Variants in ITIH2 observed in about 807,000 individuals in gnomAD.
ITIH2 encodes the protein inter-alpha-trypsin inhibitor heavy chain H2.
In ITIH2, 103 loss-of-function variants were observed where a neutral mutation model predicts 104.4. The ratio of observed to expected loss-of-function variants is 0.99; its 90% CI spans 0.84 to 1.16. The LOEUF is 1.16. ITIH2 is among the 50% of genes most tolerant of loss of function. The pLI, the probability that ITIH2 is intolerant of heterozygous loss-of-function variation, is 0.00. For synonymous variants in ITIH2, 436 were observed against 435.4 expected (o/e 1.00, Z -0.02); for missense variants, 1,108 against 1,162.4 (o/e 0.95, Z 0.68).
chr10:7,712,880 G>A (rs1241978798), intron 4 of ITIH2, among the ~76,000 whole-genome samples: 1 of 152,148 alleles, frequency 6.6e-6, no homozygotes, highest in African/African-American at 2.4e-5. Flanking sequence ...CAGCACTTTG[G>A]GAGGCCAAGC....
chr10:7,717,767 A>G lies in ITIH2; in HGVS notation c.609A>G (p.Gly203=). ...AGCACAGGATCTATCTGCAACCTGG[A>G]CGGCTGGCCAAACACTTAGAGGTAA... ...SYEHRIYLQP[G]RLAKHLEVDV... Residue 203 remains glycine, a synonymous_variant, in exon 6 of 21, where the codon GGA becomes GGG. Transcript: ENST00000358415. 6.2e-7 allele frequency: 1 copy of G among 1,611,060 alleles called. No individual in the cohort carries two copies. Among genetic ancestry groups the G allele is most frequent in the Non-Finnish European group, 8.5e-7 (1 of 1,178,820 alleles).
intron 10 of ITIH2, 30 bp downstream of exon 10, chr10:7,727,148 A>G (rs1834958689): frequency 1.3e-6 from 2 of 1,575,782 alleles, no homozygotes; most frequent in Non-Finnish European, 1.7e-6. Flanking sequence ...TCCCAAGGAG[A>G]CACTTCCTCT....
chr10:7,726,936 C>T lies in ITIH2; in HGVS notation c.985-14C>T. ...TTCTGTAATGGGACCTGTCTTTATT[C>T]TCTATTGAAATAGACTGTGGAAGCA... is the stretch of plus-strand genomic sequence containing the variant. On this transcript the variant is annotated splice_polypyrimidine_tract_variant and intron_variant, in intron 9 of 20. Coordinates refer to ENST00000358415, the MANE Select transcript of ITIH2 (RefSeq NM_002216.3). The T allele has an allele frequency of 6.3e-7, 1 of 1,579,380 alleles. No individual in the cohort carries two copies. The highest frequency in any genetic ancestry group is 8.6e-7 in the Non-Finnish European group (1 of 1,160,538).
chr10:7,723,391 A>G (rs1323208011), intron 8 of ITIH2, 60 bp from the exon 9 acceptor site: 5 of 1,098,932 alleles, frequency 4.5e-6, no homozygotes, highest in Non-Finnish European at 7.0e-6. Flanking sequence ...CCAGGTCCCC[A>G]TCTTCCTACC....
intron 4 of ITIH2, among the ~76,000 whole-genome samples, chr10:7,710,588 C>G (rs907046095): frequency 1.3e-5 from 2 of 152,066 alleles, no homozygotes; most frequent in Admixed American, 6.6e-5. Context: ...CTTTCATACA[C>G]CAAGGTAATC....
chr10:7,734,859 GC>G, intron 14 of ITIH2, 62 bp from the exon 15 acceptor site: 3 of 1,438,600 alleles, frequency 2.1e-6, no homozygotes, highest in Non-Finnish European at 2.9e-6. Context: ...GGGTCAGGGA[GC>G]TGACTTGCGC....
chr10:7,719,760 C>CAAAAAAAAAAAAA (rs71385664), intron 6 of ITIH2, among the ~76,000 whole-genome samples: 7 of 41,698 alleles, frequency 1.7e-4, no homozygotes, highest in East Asian at 7.7e-4. Context: ...GACCCTGTCT[C>CAAAAAAAAAAAAA]AAAAAAAAAA....
intron 5 of ITIH2, among the ~76,000 whole-genome samples, chr10:7,714,652 G>C (rs1302270662): frequency 6.6e-6 from 1 of 152,160 alleles, no homozygotes. Context: ...CAACACAAAA[G>C]CGGACACCGT....
chr10:7,721,012 GT>G, intron 7 of ITIH2, 49 bp downstream of exon 7: 1 of 1,139,182 alleles, frequency 8.8e-7, no homozygotes, highest in Non-Finnish European at 1.3e-6. Flanking sequence ...CCTCTGGATT[GT>G]GGGTTCTGTT....
chr10:7,739,495 A>G (rs1835104861), intron 16 of ITIH2, among the ~76,000 whole-genome samples: 1 of 152,144 alleles, frequency 6.6e-6, no homozygotes, highest in African/African-American at 2.4e-5. Flanking sequence ...AGACCTTTCC[A>G]TCAGGAAAGC....
intron 7 of ITIH2, 31 bp from the exon 8 acceptor site, chr10:7,721,618 G>A: frequency 6.2e-7 from 1 of 1,605,516 alleles, no homozygotes. Flanking sequence ...GGGGCTAGAG[G>A]CAGAGGCTCT....
chr10:7,744,720 G>T, intron 18 of ITIH2, 71 bp from the exon 19 acceptor site: 1 of 1,282,832 alleles, frequency 7.8e-7, no homozygotes, highest in East Asian at 2.4e-5. Context: ...TTCATATTAG[G>T]GGTGAGAAGA....
At chr10:7,735,224 A>G (rs1033729452) in intron 15 of ITIH2, 133 bp downstream of exon 15, 3 of 704,322 alleles carry the variant, frequency 4.3e-6, no homozygotes, top group East Asian at 2.8e-5. Context: ...CCTGTGCCCA[A>G]GCTCTTCCTG....
chr10:7,746,555 G>T, intron 19 of ITIH2, 38 bp from the exon 20 acceptor site: 1 of 1,351,346 alleles, frequency 7.4e-7, no homozygotes, highest in South Asian at 1.2e-5. Context: ...ATTTAACTAT[G>T]ATTACATGTC....
In ITIH2 at chr10:7,735,103, A is replaced by G. The variant is rs1176275553; in HGVS notation, c.1957+12A>G. ...CTCCTGCTGCTCAGGTCAGGGCTGCACCTGTGGGGACAAGTGGCCAGGCAG... is the reference window on the plus strand; with the variant it reads ...CTCCTGCTGCTCAGGTCAGGGCTGCGCCTGTGGGGACAAGTGGCCAGGCAG... On this transcript the variant is annotated intron_variant, in intron 15 of 20. Coordinates refer to ENST00000358415, the MANE Select transcript of ITIH2 (RefSeq NM_002216.3). 6.3e-7 allele frequency: 1 copy of G among 1,594,492 alleles called. No homozygotes were observed. Among genetic ancestry groups the G allele is most frequent in the East Asian group, 2.2e-5 (1 of 44,546 alleles).
At chr10:7,726,806 T>G in intron 9 of ITIH2, 144 bp from the exon 10 acceptor site, 1 of 608,118 alleles carries the variant, frequency 1.6e-6, no homozygotes, top group Non-Finnish European at 2.8e-6. Context: ...CTGCATTGAC[T>G]GAGGTGGGCT....
chr10:7,746,068 TAAAAAAAAAAAAAAAAAAA>T (rs372266950), intron 19 of ITIH2, among the ~76,000 whole-genome samples: 2 of 35,774 alleles, frequency 5.6e-5, no homozygotes, highest in Non-Finnish European at 1.0e-4. Flanking sequence ...ATCTTAAATT[TAAAAAAAAAAAAAAAAAAA>T]AAAAAAAAAA....
Position 7,733,067 on chromosome 10 carries a change from A to G in ITIH2, c.1787+590A>G, listed in dbSNP as rs1004680993. Among the ~76,000 whole-genome samples, 137 of 152,014 alleles carry G rather than the reference A, an allele frequency of 9.0e-4. 2 individuals carry two copies. Among genetic ancestry groups the G allele is most frequent in the African/African-American group, 3.1e-3 (127 of 41,452 alleles). On this transcript the variant is annotated intron_variant, in intron 14 of 20. Transcript: ENST00000358415. The stretch of plus-strand genomic sequence containing the variant: ...TAAGTGCACCATTCAATGGATTTTT[A>G]TATCTATCATCCGTGTAATCACCAC...
At chr10:7,708,827 C>T (rs551356746) in intron 3 of ITIH2, among the ~76,000 whole-genome samples, 195 bp from the exon 4 acceptor site, 2 of 152,288 alleles carry the variant, frequency 1.3e-5, no homozygotes, top group South Asian at 2.1e-4. Flanking sequence ...CCAAGGCAGA[C>T]TTCTGCTCAT....
Sources: gnomAD v4.1 joint callset for allele counts (sites outside exome capture counted in the v4.1 genomes callset) on GRCh38, gnomAD v4.1.1 for gene constraint, MANE v1.5 for transcripts, NCBI Gene and HGNC (gene_info 2026-07-23, HGNC 2026-07-21) for gene names.